The following SAAL1 variants were observed in gnomAD, a reference collection of about 807,000 sequenced individuals.
SAAL1 encodes the protein serum amyloid A like 1, also known as protein SAAL1.
A neutral mutation model predicts 59.8 loss-of-function variants in SAAL1; 42 were observed. The observed-to-expected ratio is 0.70, with a 90% CI of 0.55 to 0.91. The LOEUF is 0.91. Ranked by LOEUF, SAAL1 falls within the 40% of genes least tolerant of loss-of-function variation. The pLI is 0.00. For missense variants in SAAL1, 542 were observed against 561.1 expected (o/e 0.97, Z 0.34); for synonymous variants, 191 against 194.3 (o/e 0.98, Z 0.14).
intron 7 of SAAL1, among the ~76,000 whole-genome samples, chr11:18,088,651 C>T (rs892327708): frequency 6.6e-6 from 1 of 152,106 alleles, no homozygotes. Flanking sequence ...AGGAAAGATT[C>T]AGTAATTGGC....
chr11:18,094,669 GA>G (rs543285914), intron 3 of SAAL1, among the ~76,000 whole-genome samples: 94 of 152,150 alleles, frequency 6.2e-4, no homozygotes, highest in African/African-American at 2.2e-3. Flanking sequence ...AAAAAAGGAA[GA>G]AAGAAAAAAG....
At chr11:18,097,330 G>A (rs530157683) in intron 2 of SAAL1, among the ~76,000 whole-genome samples, 3 of 151,732 alleles carry the variant, frequency 2.0e-5, no homozygotes, top group South Asian at 2.1e-4. Flanking sequence ...CAAAAGTGAT[G>A]TTAGAGAGTC....
intron 9 of SAAL1, among the ~76,000 whole-genome samples, chr11:18,086,007 C>G (rs1283834656): frequency 6.6e-6 from 1 of 152,142 alleles, no homozygotes; most frequent in African/African-American, 2.4e-5. Flanking sequence ...GGAAAATATT[C>G]ATTTTATATT....
intron 4 of SAAL1, chr11:18,090,919 G>A (rs1848517445): frequency 6.5e-6 from 1 of 153,764 alleles, no homozygotes; most frequent in Admixed American, 6.5e-5. Flanking sequence ...AAGGAGGGGA[G>A]ACAACATATG....
chr11:18,093,048 G>A (rs1445816716), intron 3 of SAAL1, among the ~76,000 whole-genome samples: 4 of 152,098 alleles, frequency 2.6e-5, no homozygotes, highest in Admixed American at 6.6e-5. Flanking sequence ...ATCTTGCACC[G>A]TCTCACCCAG....
intron 10 of SAAL1, chr11:18,081,806 C>T (rs533043610): frequency 7.5e-5 from 22 of 292,166 alleles, no homozygotes; most frequent in African/African-American, 4.5e-4. Context: ...TTCTATTCTA[C>T]CAAATCTCTC....
chr11:18,082,239 A>G (rs760111840), intron 10 of SAAL1, among the ~76,000 whole-genome samples: 4 of 152,228 alleles, frequency 2.6e-5, no homozygotes, highest in Non-Finnish European at 5.9e-5. Flanking sequence ...GAAAAGATAC[A>G]TTATTACCCA....
In SAAL1 at chr11:18,103,450, A is replaced by G. The variant is rs1848655450; in HGVS notation, c.136-104T>C. ...CAAATAACATTTCCTCGTAACGCTG[A>G]TGAGAAAAAAATTTGATTCCTGGCC... On this transcript the variant is annotated intron_variant, in intron 1 of 11. Coordinates refer to ENST00000524803, the MANE Select transcript of SAAL1 (RefSeq NM_138421.3). The G allele has an allele frequency of 1.0e-5, 9 of 888,876 alleles. No homozygotes were observed. The South Asian group carries it at 1.3e-4, about 12-fold the overall frequency. The allele number at this position is 888,876 out of a possible 1,614,324, so 55.1% of individuals were successfully genotyped here.
intron 1 of SAAL1, among the ~76,000 whole-genome samples, chr11:18,104,440 C>CTTT (rs201232815): frequency 5.6e-5 from 8 of 143,900 alleles, no homozygotes; most frequent in African/African-American, 1.8e-4. Context: ...TACATTTAAG[C>CTTT]TTTTTTTTTT....
Position 18,090,447 on chromosome 11 carries a change from G to C in SAAL1, c.460C>G (p.Leu154Val). The C allele has an allele frequency of 6.2e-7, 1 of 1,608,680 alleles. No individual in the cohort carries two copies. The highest frequency in any genetic ancestry group is 8.5e-7 in the Non-Finnish European group (1 of 1,178,770). ...CLYDSDPPTL[L>V]ETSRLLLTCL... ...GGAAAAGCATACCTGCTTGTTTCCA[G>C]CAGAGTAGGTGGGTCTGAATCATAC... The change falls in exon 5 of 12, where the codon CTG becomes GTG. Residue 154 changes from leucine to valine, a missense_variant. Physicochemically the swap from Leu to Val is conservative, Grantham distance 32. Coordinates refer to ENST00000524803, the MANE Select transcript of SAAL1 (RefSeq NM_138421.3).
At chr11:18,101,109 T>C (rs926656684) in intron 2 of SAAL1, among the ~76,000 whole-genome samples, 2 of 152,356 alleles carry the variant, frequency 1.3e-5, no homozygotes, top group East Asian at 3.9e-4. Flanking sequence ...TTAAGAAGAC[T>C]GACCATACTA....
At chr11:18,088,158 C>T (rs765284734) in intron 7 of SAAL1, among the ~76,000 whole-genome samples, 6 of 152,176 alleles carry the variant, frequency 3.9e-5, no homozygotes, top group Admixed American at 6.5e-5. Flanking sequence ...ATGACTGAAA[C>T]GCAGAGTACA....
intron 2 of SAAL1, among the ~76,000 whole-genome samples, chr11:18,101,201 T>C (rs1848629688): frequency 6.6e-6 from 1 of 152,192 alleles, no homozygotes; most frequent in East Asian, 1.9e-4. Flanking sequence ...GGTAAAAAAC[T>C]GCTTAGGAAA....
chr11:18,082,978 C>A (rs1024849216), intron 10 of SAAL1, among the ~76,000 whole-genome samples: 2 of 152,104 alleles, frequency 1.3e-5, no homozygotes, highest in African/African-American at 2.4e-5. Flanking sequence ...TAAATATATT[C>A]TTCACAGCTA....
chr11:18,100,186 TCAAC>T (rs1329938842), intron 2 of SAAL1, among the ~76,000 whole-genome samples: 1 of 152,202 alleles, frequency 6.6e-6, no homozygotes, highest in Non-Finnish European at 1.5e-5. Flanking sequence ...AACAATACTC[TCAAC>T]CAACCTGATC....
chr11:18,093,574 G>C (rs11024480), intron 3 of SAAL1, among the ~76,000 whole-genome samples: 5 of 151,800 alleles, frequency 3.3e-5, no homozygotes, highest in Non-Finnish European at 2.9e-5. Flanking sequence ...TACCACTCAC[G>C]GTGGCCAGGC....
rs1328127443 is a variant in SAAL1 at position 18,080,407 on chromosome 11, G to A, written c.1417C>T (p.Gln473Ter). The A allele has an allele frequency of 6.3e-7, 1 of 1,585,880 alleles. No individual in the cohort carries two copies. The highest frequency in any genetic ancestry group is 1.4e-5 in the African/African-American group (1 of 73,146). ...TAATTCCAATTCAGGTTTTAAGTCTGAACCTTCAAACTTGGGAAGTTTTTT... is the reference window on the plus strand; with the variant it reads ...TAATTCCAATTCAGGTTTTAAGTCTAAACCTTCAAACTTGGGAAGTTTTTT... ...LEKNFPSLKVQT is the reference protein window; with the variant it reads ...LEKNFPSLKV Residue 473 changes from glutamine (Q) to a stop codon, truncating the protein, a stop_gained, in exon 12 of 12, where the codon CAG (glutamine) becomes TAG (stop). Transcript: ENST00000524803. LOFTEE classifies it high-confidence loss of function.
At chr11:18,085,811 T>C (rs1848457803) in intron 9 of SAAL1, among the ~76,000 whole-genome samples, 1 of 152,150 alleles carries the variant, frequency 6.6e-6, no homozygotes, top group South Asian at 2.1e-4. Context: ...GATTATTCAC[T>C]AAATGATGTT....
chr11:18,102,658 A>G (rs1241548608), intron 2 of SAAL1, among the ~76,000 whole-genome samples: 1 of 152,198 alleles, frequency 6.6e-6, no homozygotes, highest in Non-Finnish European at 1.5e-5. Flanking sequence ...TCCAGGTAAT[A>G]AAACAAGAAA....
Sources: allele counts gnomAD v4.1 joint callset (sites outside exome capture counted in the v4.1 genomes callset), GRCh38; gene constraint gnomAD v4.1.1; transcripts MANE v1.5; gene names NCBI Gene and HGNC (gene_info 2026-07-23, HGNC 2026-07-21).